B3GALNT2: variants seen among roughly 807,000 people sequenced by gnomAD.
B3GALNT2 encodes UDP-GalNAc:beta-1,3-N-acetylgalactosaminyltransferase 2.
Under a neutral mutation model 61.1 loss-of-function variants are expected in B3GALNT2, and 53 were observed. The ratio of observed to expected loss-of-function variants is 0.87; its 90% CI spans 0.70 to 1.09. The LOEUF is 1.09. B3GALNT2 is among the 50% of genes least tolerant of loss of function. The probability of loss-of-function intolerance (pLI) is 0.00; values close to 1 mark genes in which losing one functional copy is unlikely to be tolerated. For synonymous variants in B3GALNT2, 223 were observed against 237.4 expected, an observed-to-expected ratio of 0.94 and a Z score of 0.56; for missense variants, 544 against 623.0, an observed-to-expected ratio of 0.87 and a Z score of 1.35.
At chr1:235,473,515 T>G (rs1483342092) in intron 5 of B3GALNT2, among the ~76,000 whole-genome samples, 1 of 152,132 alleles carries the variant, frequency 6.6e-6, no homozygotes, top group African/African-American at 2.4e-5. Context: ...ATACAGGCGA[T>G]GAGAACAGAT....
the B3GALNT2 span, among the ~76,000 whole-genome samples, chr1:235,442,089 C>T: frequency 1.3e-5 from 2 of 151,446 alleles, no homozygotes; most frequent in Admixed American, 6.6e-5. Context: ...CTCATTGCAA[C>T]CTCCGCCTCC....
Position 235,449,725 on chromosome 1 carries a change from C to T in B3GALNT2, c.*481G>A, listed in dbSNP as rs1437857023. The T allele has an allele frequency of 2.0e-5, 3 of 153,124 alleles. No homozygotes were observed. Among genetic ancestry groups the T allele is most frequent in the Non-Finnish European group, 4.4e-5 (3 of 68,706 alleles). 9.5% of individuals were successfully genotyped at this position (153,124 alleles called of 1,614,324 possible). A position where few individuals can be genotyped will look rare whatever the true frequency, so the allele number is the denominator to read the frequency against. The stretch of plus-strand genomic sequence containing the variant: ...AACTTTGGTATAAGTGACCACTGCT[C>T]AAATATGTGATCACATGATCACACA... On this transcript the variant is annotated 3_prime_UTR_variant, in exon 12 of 12. Coordinates refer to ENST00000366600, the MANE Select transcript of B3GALNT2 (RefSeq NM_152490.5).
At chr1:235,483,533 A>T (rs1384962141) in intron 4 of B3GALNT2, among the ~76,000 whole-genome samples, 3 of 152,130 alleles carry the variant, frequency 2.0e-5, no homozygotes, top group African/African-American at 7.2e-5. Flanking sequence ...GCACTCTGGG[A>T]GGCCGAGAAG....
intron 5 of B3GALNT2, among the ~76,000 whole-genome samples, chr1:235,475,471 A>G (rs1185790705): frequency 1.3e-5 from 2 of 152,092 alleles, no homozygotes; most frequent in African/African-American, 2.4e-5. Context: ...CCAAGTGTGG[A>G]GGGAATACGA....
rs371405741 is a variant in B3GALNT2, at chr1:235,465,656, C to T, written c.821G>A (p.Gly274Asp). Residue 274 changes from glycine to aspartate, a missense_variant, in exon 7 of 12, where the codon GGT (glycine) becomes GAT (aspartate). Gly to Asp is a moderately conservative substitution (Grantham distance 94, BLOSUM62 -1). Transcript: ENST00000366600. ...CTTACCCTGAATAGTATATATAAAACCACCTGCAACTCCCTCCACACCTTC... is the reference window on the plus strand; with the variant it reads ...CTTACCCTGAATAGTATATATAAAATCACCTGCAACTCCCTCCACACCTTC... ...FLEGVEGVAG[G>D]FIYTIQEGDA... 9 of 1,614,000 alleles carry T rather than the reference C, an allele frequency of 5.6e-6. No homozygotes were observed. The highest frequency in any genetic ancestry group is 6.8e-6 in the Non-Finnish European group (8 of 1,179,964).
intron 5 of B3GALNT2, among the ~76,000 whole-genome samples, chr1:235,478,639 C>A (rs1684411567): frequency 1.3e-5 from 2 of 152,118 alleles, no homozygotes; most frequent in African/African-American, 2.4e-5. Flanking sequence ...TTCCATAACA[C>A]CGAAAAATTG....
At position 235,453,131 on chromosome 1, in the gene B3GALNT2, T is replaced by A; in HGVS notation, c.1327A>T (p.Met443Leu). The change falls in exon 11 of 12, where the codon ATG (methionine) becomes TTG (leucine). Residue 443 changes from methionine (M) to leucine (L), a missense_variant. Coordinates refer to ENST00000366600, the MANE Select transcript of B3GALNT2 (RefSeq NM_152490.5). The stretch of plus-strand genomic sequence containing the variant: ...CCTATGGCAGCCATCCAGATGCCCA[T>A]GCTTACATCTTCACCCTATACATGG... The part of the protein sequence containing the change: ...LKTYQGEDVS[M>L]GIWMAAIGPK... 1.2e-6 allele frequency: 2 copies of A among 1,612,840 alleles called. No homozygotes were observed. Among genetic ancestry groups the A allele is most frequent in the Non-Finnish European group, 1.7e-6 (2 of 1,178,774 alleles).
chr1:235,465,826 C>T (rs1261780847), intron 6 of B3GALNT2, 112 bp from the exon 7 acceptor site: 14 of 1,237,850 alleles, frequency 1.1e-5, no homozygotes, highest in South Asian at 1.4e-5. Context: ...CAGATAAATG[C>T]ATGTAAGATG....
At chr1:235,441,442 G>A in the B3GALNT2 span, 1 of 279,424 alleles carries the variant, frequency 3.6e-6, no homozygotes. Flanking sequence ...GACACTCGGG[G>A]AAAACATTTG....
At chr1:235,503,806 G>A (rs940589826) in intron 1 of B3GALNT2, among the ~76,000 whole-genome samples, 1 of 152,206 alleles carries the variant, frequency 6.6e-6, no homozygotes, top group Non-Finnish European at 1.5e-5. Flanking sequence ...CGGCTGAAGG[G>A]CACACGAGGT....
chr1:235,484,709 A>T (rs291388), intron 3 of B3GALNT2, 194 bp from the exon 4 acceptor site: 2 of 1,052,294 alleles, frequency 1.9e-6, no homozygotes, highest in South Asian at 4.2e-5. Flanking sequence ...TTTAAGAATA[A>T]AGTTTTCAGC....
chr1:235,495,088 C>T (rs915555643), intron 1 of B3GALNT2, among the ~76,000 whole-genome samples: 6 of 152,082 alleles, frequency 3.9e-5, no homozygotes, highest in Non-Finnish European at 8.8e-5. Context: ...TCAAAACAAA[C>T]AAGATGTGGT....
chr1:235,458,438 T>A (rs1361819988), intron 8 of B3GALNT2, among the ~76,000 whole-genome samples, 165 bp downstream of exon 8: 1 of 151,826 alleles, frequency 6.6e-6, no homozygotes, highest in Non-Finnish European at 1.5e-5. Flanking sequence ...TAATCTTACC[T>A]ACTCAGGAGG....
chr1:235,491,385 C>T (rs1454345210), intron 2 of B3GALNT2, among the ~76,000 whole-genome samples: 2 of 152,118 alleles, frequency 1.3e-5, no homozygotes. Flanking sequence ...TATTATCTGT[C>T]AATTACAGGC....
chr1:235,449,574 A>G lies in B3GALNT2; in HGVS notation c.*632T>C, dbSNP rs1682767225. 6.6e-6 allele frequency: 1 copy of G among 152,488 alleles called. No individual in the cohort carries two copies. Among genetic ancestry groups the G allele is most frequent in the Admixed American group, 6.5e-5 (1 of 15,302 alleles). The allele number at this position is 152,488 out of a possible 1,614,324, so 9.4% of individuals were successfully genotyped here. On this transcript the variant is annotated 3_prime_UTR_variant, in exon 12 of 12. Coordinates refer to ENST00000366600, the MANE Select transcript of B3GALNT2 (RefSeq NM_152490.5). ...AGAAAGAAAATTTGGGTATTAGTCT[A>G]CCATATAAATGAACTTCTTTAAAAC...
chr1:235,468,465 T>C (rs1558419819), intron 6 of B3GALNT2, among the ~76,000 whole-genome samples: 1 of 148,234 alleles, frequency 6.7e-6, no homozygotes, highest in Non-Finnish European at 1.5e-5. Flanking sequence ...TTTTTTTTTT[T>C]TTTTTTGCGA....
intron 1 of B3GALNT2, among the ~76,000 whole-genome samples, chr1:235,502,243 C>T (rs1230845927): frequency 1.3e-5 from 2 of 152,200 alleles, no homozygotes; most frequent in Non-Finnish European, 2.9e-5. Flanking sequence ...GAACTCCTGA[C>T]CTCAGGTGAT....
intron 5 of B3GALNT2, among the ~76,000 whole-genome samples, chr1:235,476,978 T>C (rs1314547952): frequency 1.3e-5 from 2 of 150,498 alleles, no homozygotes; most frequent in Non-Finnish European, 2.9e-5. Context: ...TGAGCTATGA[T>C]CATGCCACTG....
chr1:235,473,555 C>T (rs961454051), intron 5 of B3GALNT2, among the ~76,000 whole-genome samples: 1 of 152,110 alleles, frequency 6.6e-6, no homozygotes, highest in African/African-American at 2.4e-5. Flanking sequence ...CATTAGAATG[C>T]CCATGGGACA....
Sources: allele counts gnomAD v4.1 joint callset (sites outside exome capture counted in the v4.1 genomes callset), GRCh38; gene constraint gnomAD v4.1.1; transcripts MANE v1.5; gene names NCBI Gene and HGNC (gene_info 2026-07-23, HGNC 2026-07-21).